OR13A1: variants seen among roughly 807,000 people sequenced by gnomAD.
OR13A1 encodes the protein olfactory receptor 13A1.
Under a neutral mutation model 7.5 loss-of-function variants are expected in OR13A1, and 10 were observed. The observed-to-expected ratio is 1.34, with a 90% CI of 0.83 to 2.27. OR13A1 has a LOEUF of 2.27. Ranked by LOEUF, OR13A1 falls within the 30% of genes most tolerant of loss-of-function variation. The pLI is 0.00. For synonymous variants in OR13A1, 238 were observed against 177.9 expected, an observed-to-expected ratio of 1.34 and a Z score of -2.69; for missense variants, 509 against 419.1, an observed-to-expected ratio of 1.21 and a Z score of -1.87.
Position 45,307,453 on chromosome 10 carries a change from G to C in OR13A1, c.-40C>G, listed in dbSNP as rs777505374. ...ACTTATTGTGATTGGGTGGGGACAG[G>C]AGGACAGTCTTCTCAATCAACTGGT... On this transcript the variant is annotated 5_prime_UTR_variant, in exon 3 of 4. Coordinates refer to ENST00000553795, the MANE Select transcript of OR13A1 (RefSeq NM_001004297.3). 6.6e-6 allele frequency: 1 copy of C among 152,198 alleles called. No individual in the cohort carries two copies. The highest frequency in any genetic ancestry group is 1.5e-5 in the Non-Finnish European group (1 of 68,048). The allele number at this position is 152,198 out of a possible 1,614,324, so 9.4% of individuals were successfully genotyped here.
Position 45,304,005 on chromosome 10 carries a change from G to A in OR13A1, c.418C>T (p.Arg140Trp), listed in dbSNP as rs376781877. Residue 140 changes from arginine (R) to tryptophan (W), a missense_variant, in exon 4 of 4, where the codon CGG becomes TGG. Physicochemically the swap from Arg to Trp is moderately radical, Grantham distance 101 (BLOSUM62 -3). Coordinates refer to ENST00000553795, the MANE Select transcript of OR13A1 (RefSeq NM_001004297.3). ...AGCGGGTGGCAGATGGCTGCGTACC[G>A]GTCATAGGCCATGACCGTGAGGAGC... is the stretch of plus-strand genomic sequence containing the variant. ...LLLLTVMAYD[R>W]YAAICHPLHY... 8.7e-6 allele frequency: 14 copies of A among 1,612,422 alleles called. No homozygotes were observed. The African/African-American group carries it at 9.3e-5, about 11-fold the overall frequency.
rs1205066324 is a variant in OR13A1 at position 45,303,587 on chromosome 10, C to T, written c.836G>A (p.Ser279Asn). ...YYTAVFYAYI[S>N]PVSGYSAGKS... ...CCCTGCGCTGTAGCCAGAGACCGGG[C>T]TTATGTAGGCGTAGAAGACAGCGGT... is the stretch of plus-strand genomic sequence containing the variant. Residue 279 changes from serine to asparagine, a missense_variant, in exon 4 of 4, where the codon AGC becomes AAC. Physicochemically the swap from Ser to Asn is conservative, Grantham distance 46. Coordinates refer to ENST00000553795, the MANE Select transcript of OR13A1 (RefSeq NM_001004297.3). The T allele has an allele frequency of 6.2e-7, 1 of 1,613,984 alleles. No homozygotes were observed. The highest frequency in any genetic ancestry group is 8.5e-7 in the Non-Finnish European group (1 of 1,180,044).
chr10:45,308,733 T>G (rs1158886121), intron 1 of OR13A1: 1 of 152,184 alleles, frequency 6.6e-6, no homozygotes, highest in Non-Finnish European at 1.5e-5. Context: ...ATTTCACCTT[T>G]GTAGAGTGAA....
In OR13A1 at chr10:45,304,211, G is replaced by C; in HGVS notation, c.212C>G (p.Pro71Arg). Reference protein sequence around the residue: ...VLITLAITFNPGLHAPMYFFL... With the variant: ...VLITLAITFNRGLHAPMYFFL... ...AAAGTACATAGGAGCGTGGAGCCCA[G>C]GGTTGAACGTGATGGCCAAGGTGAT... Residue 71 changes from proline to arginine, a missense_variant, in exon 4 of 4, where the codon CCT becomes CGT. Transcript: ENST00000553795. 6.2e-6 allele frequency: 10 copies of C among 1,614,206 alleles called. No individual in the cohort carries two copies. The highest frequency in any genetic ancestry group is 8.5e-6 in the Non-Finnish European group (10 of 1,180,044).
rs572292207 is a variant in OR13A1, at chr10:45,310,640, C to A, written c.-224-2832G>T. On this transcript the variant is annotated intron_variant, in intron 1 of 3. Coordinates refer to ENST00000553795, the MANE Select transcript of OR13A1 (RefSeq NM_001004297.3). The stretch of plus-strand genomic sequence containing the variant: ...GGGAGAATGGATTTTTGGAAAAAAA[C>A]TAATAATTGCCACAAATATGCAAGA... Among the ~76,000 whole-genome samples, 10 of 143,434 alleles carry A rather than the reference C, an allele frequency of 7.0e-5. 1 individual carries two copies. The highest frequency in any genetic ancestry group is 2.8e-4 in the Admixed American group (4 of 14,412). The allele number at this position is 143,434 out of a possible 152,430, so 94.1% of individuals were successfully genotyped here.
Position 45,307,553 on chromosome 10 carries a change from A to T in OR13A1, c.-140T>A, listed in dbSNP as rs1389332723. The T allele has an allele frequency of 6.6e-6, 1 of 152,230 alleles. No individual in the cohort carries two copies. Among genetic ancestry groups the T allele is most frequent in the East Asian group, 1.9e-4 (1 of 5,204 alleles). 9.4% of individuals were successfully genotyped at this position (152,230 alleles called of 1,614,324 possible). ...GACCACAAGATTTCTTTACAGCCTC[A>T]GCCAGTCATTTCTTCTGAAAAATAA... On this transcript the variant is annotated 5_prime_UTR_variant, in exon 3 of 4. It removes the in-frame stop codon of an upstream open reading frame in the 5' UTR. Coordinates refer to ENST00000553795, the MANE Select transcript of OR13A1 (RefSeq NM_001004297.3).
At chr10:45,315,400 T>C (rs779959727) in intron 1 of OR13A1, 124 bp downstream of exon 1, 2 of 152,176 alleles carry the variant, frequency 1.3e-5, no homozygotes, top group Admixed American at 6.5e-5. Flanking sequence ...ATCATTTATA[T>C]TGATGTAGAA....
intron 3 of OR13A1, 45 bp from the exon 4 acceptor site, chr10:45,304,479 G>A (rs775128626): frequency 2.0e-6 from 3 of 1,516,230 alleles, no homozygotes; most frequent in Non-Finnish European, 2.7e-6. Context: ...CTGCTCCCGT[G>A]TTTCTTCCAC....
At chr10:45,306,256 CT>C (rs1386589606) in intron 3 of OR13A1, among the ~76,000 whole-genome samples, 1 of 152,122 alleles carries the variant, frequency 6.6e-6, no homozygotes, top group Non-Finnish European at 1.5e-5. Flanking sequence ...AGATCGAGAC[CT>C]TCCTGGCTAA....
intron 1 of OR13A1, among the ~76,000 whole-genome samples, 167 bp downstream of exon 1, chr10:45,315,357 C>A (rs1352133500): frequency 6.6e-6 from 1 of 151,902 alleles, no homozygotes. Flanking sequence ...ATGTAATACA[C>A]TATAGTAATA....
At chr10:45,304,468 G>A (rs745733002) in intron 3 of OR13A1, 34 bp from the exon 4 acceptor site, 6 of 1,558,944 alleles carry the variant, frequency 3.8e-6, no homozygotes, top group Admixed American at 1.8e-5. Flanking sequence ...CCTGAGGAAG[G>A]CTGCTCCCGT....
chr10:45,305,095 G>A (rs1340879442), intron 3 of OR13A1, among the ~76,000 whole-genome samples: 12 of 151,984 alleles, frequency 7.9e-5, no homozygotes, highest in Admixed American at 5.9e-4. Context: ...AACCTGACAC[G>A]GTGGTGGTGG....
rs117262586 is a variant in OR13A1, at chr10:45,309,042, G to A, written c.-224-1234C>T. ...CTTTACTGGGGACTTGCCTGTCATT[G>A]GGGTTCACAGAAAGGCCAATTCAGA... On this transcript the variant is annotated intron_variant, in intron 1 of 3. Coordinates refer to ENST00000553795, the MANE Select transcript of OR13A1 (RefSeq NM_001004297.3). Among the ~76,000 whole-genome samples the A allele has an allele frequency of 8.1e-3, 1,229 of 152,270 alleles. 24 individuals carry two copies. The highest frequency in any genetic ancestry group is 0.069 in the East Asian group (355 of 5,176).
intron 1 of OR13A1, among the ~76,000 whole-genome samples, chr10:45,315,157 T>C (rs562522331): frequency 6.6e-6 from 1 of 152,172 alleles, no homozygotes; most frequent in African/African-American, 2.4e-5. Flanking sequence ...GCAAGAATGA[T>C]AGAACATGTG....
intron 1 of OR13A1, among the ~76,000 whole-genome samples, chr10:45,310,956 G>T (rs1219683425): frequency 6.6e-6 from 1 of 152,170 alleles, no homozygotes; most frequent in African/African-American, 2.4e-5. Context: ...AACCCCAAAA[G>T]TTCCCATTTG....
chr10:45,308,139 T>C (rs1838373707), intron 1 of OR13A1, among the ~76,000 whole-genome samples: 1 of 152,236 alleles, frequency 6.6e-6, no homozygotes. Context: ...AAGGTAGGCA[T>C]TTCTATTGTA....
At chr10:45,312,309 T>C (rs1445927727) in intron 1 of OR13A1, among the ~76,000 whole-genome samples, 1 of 151,706 alleles carries the variant, frequency 6.6e-6, no homozygotes, top group Admixed American at 6.6e-5. Flanking sequence ...AGCCACATGA[T>C]CAAAATCAAT....
chr10:45,308,578 T>C (rs1227793504), intron 1 of OR13A1: 2 of 152,394 alleles, frequency 1.3e-5, no homozygotes, highest in South Asian at 2.1e-4. Flanking sequence ...CAAATGTTAC[T>C]GACTCTGGAT....
chr10:45,304,198 A>C lies in OR13A1; in HGVS notation c.225T>G (p.Ala75=), dbSNP rs145056512. The C allele has an allele frequency of 7.4e-6, 12 of 1,614,032 alleles. No homozygotes were observed. The African/African-American group carries it at 1.5e-4, about 20-fold the overall frequency. Residue 75 remains alanine (A), a synonymous_variant, in exon 4 of 4, where the codon GCT becomes GCG. Transcript: ENST00000553795. ...AGTTGAGTAAGAAAAAGTACATAGGAGCGTGGAGCCCAGGGTTGAACGTGA... is the reference window on the plus strand; with the variant it reads ...AGTTGAGTAAGAAAAAGTACATAGGCGCGTGGAGCCCAGGGTTGAACGTGA... ...LAITFNPGLH[A]PMYFFLLNLA...
Sources: gnomAD v4.1 joint callset for allele counts (sites outside exome capture counted in the v4.1 genomes callset) on GRCh38, gnomAD v4.1.1 for gene constraint, MANE v1.5 for transcripts, NCBI Gene and HGNC (gene_info 2026-07-23, HGNC 2026-07-21) for gene names.